Variants in GRK5 observed in about 807,000 individuals in gnomAD.
The protein encoded by GRK5 is G protein-coupled receptor kinase 5.
GRK5 carries 40 observed loss-of-function variants against 78.4 expected under a neutral mutation model. That is an observed-to-expected ratio of 0.51 (90% CI 0.40 to 0.66). The LOEUF is 0.66. Among genes scored for constraint, GRK5 ranks in the 30% least tolerant of loss-of-function variants. The probability of loss-of-function intolerance (pLI) is 0.00; values close to 1 mark genes in which losing one functional copy is unlikely to be tolerated. For missense variants in GRK5, 598 were observed against 759.9 expected (o/e 0.79, Z 2.50); for synonymous variants, 289 against 296.8 (o/e 0.97, Z 0.27).
intron 8 of GRK5, among the ~76,000 whole-genome samples, chr10:119,433,436 G>A (rs564438327): frequency 1.8e-4 from 27 of 152,128 alleles, no homozygotes; most frequent in South Asian, 6.2e-4. Context: ...CTTCAGTTAC[G>A]ATGGCTGCAC....
chr10:119,329,116 G>C (rs1300026527), intron 2 of GRK5, among the ~76,000 whole-genome samples: 1 of 152,200 alleles, frequency 6.6e-6, no homozygotes, highest in Non-Finnish European at 1.5e-5. Flanking sequence ...CTTATGAAGT[G>C]TTTCTAATAA....
At chr10:119,223,141 C>T (rs2133712528) in intron 1 of GRK5, among the ~76,000 whole-genome samples, 1 of 152,296 alleles carries the variant, frequency 6.6e-6, no homozygotes, top group South Asian at 2.1e-4. Context: ...AGACCCGTTC[C>T]AGGCCTCTCT....
chr10:119,306,746 A>T (rs1488494261), intron 1 of GRK5, among the ~76,000 whole-genome samples: 2 of 152,110 alleles, frequency 1.3e-5, no homozygotes, highest in Non-Finnish European at 2.9e-5. Flanking sequence ...CTGCACCTGC[A>T]GGTGTTTCCT....
In GRK5 at chr10:119,436,745, T is replaced by C; in HGVS notation, c.833T>C (p.Met278Thr). The C allele has an allele frequency of 6.2e-7, 1 of 1,614,182 alleles. No individual in the cohort carries two copies. The highest frequency in any genetic ancestry group is 8.5e-7 in the Non-Finnish European group (1 of 1,180,010). Residue 278 changes from methionine to threonine, a missense_variant, in exon 9 of 16, where the codon ATG becomes ACG. Transcript: ENST00000392870. ...GACCTGAAGTTCCACATCTACAACATGGGCAACCCTGGCTTCGAGGAGGAG... is the reference window on the plus strand; with the variant it reads ...GACCTGAAGTTCCACATCTACAACACGGGCAACCCTGGCTTCGAGGAGGAG... ...GGDLKFHIYN[M>T]GNPGFEEERA...
intron 1 of GRK5, among the ~76,000 whole-genome samples, chr10:119,254,146 G>T (rs547973279): frequency 3.3e-5 from 5 of 152,116 alleles, no homozygotes; most frequent in Non-Finnish European, 5.9e-5. Flanking sequence ...AATTCTAAGC[G>T]CCTTTGAAAA....
chr10:119,413,958 G>A (rs1589796843), intron 4 of GRK5, among the ~76,000 whole-genome samples: 1 of 152,160 alleles, frequency 6.6e-6, no homozygotes, highest in African/African-American at 2.4e-5. Flanking sequence ...GTCAAGGGGC[G>A]GCCAGGGTAT....
chr10:119,327,393 G>C (rs142781100), intron 2 of GRK5, among the ~76,000 whole-genome samples: 1 of 152,184 alleles, frequency 6.6e-6, no homozygotes, highest in Non-Finnish European at 1.5e-5. Context: ...TGTGCCCTGG[G>C]GTGGGTCCTT....
intron 1 of GRK5, among the ~76,000 whole-genome samples, chr10:119,245,702 A>T (rs1009472003): frequency 1.3e-5 from 2 of 152,182 alleles, no homozygotes; most frequent in Non-Finnish European, 2.9e-5. Flanking sequence ...TTGTGCTTAT[A>T]GTTAATCATA....
intron 2 of GRK5, among the ~76,000 whole-genome samples, chr10:119,365,727 G>T (rs142292402): frequency 6.6e-6 from 1 of 152,116 alleles, no homozygotes; most frequent in African/African-American, 2.4e-5. Context: ...CTTTCCTTTC[G>T]GTTTTCTACA....
At position 119,264,970 on chromosome 10, in the gene GRK5, A is replaced by T. The variant is rs1306881109; in HGVS notation, c.52+57001A>T. On this transcript the variant is annotated intron_variant, in intron 1 of 15. Transcript: ENST00000392870. The surrounding 1 kb of genome is among the most constrained non-coding windows in gnomAD (Gnocchi z 4.1). ...TCCTGTTGGGAAGGCCGACTCAGAG[A>T]CAGCTTTCATTCTTTTGTGTTACTC... Among the ~76,000 whole-genome samples the T allele has an allele frequency of 6.6e-6, 1 of 152,174 alleles. No individual in the cohort carries two copies. The highest frequency in any genetic ancestry group is 1.5e-5 in the Non-Finnish European group (1 of 68,020).
intron 1 of GRK5, among the ~76,000 whole-genome samples, chr10:119,317,172 C>T (rs1850500739): frequency 6.6e-6 from 1 of 152,190 alleles, no homozygotes. Context: ...GAGTCTGCCC[C>T]AGAGGAGTGT....
chr10:119,450,118 T>C (rs1037413733), intron 13 of GRK5, among the ~76,000 whole-genome samples: 3 of 152,206 alleles, frequency 2.0e-5, no homozygotes, highest in Non-Finnish European at 4.4e-5. Context: ...CACTCCTTGG[T>C]GTTCCAGGAA....
chr10:119,342,042 G>A (rs1021370047), intron 2 of GRK5, among the ~76,000 whole-genome samples: 1 of 152,180 alleles, frequency 6.6e-6, no homozygotes, highest in African/African-American at 2.4e-5. Flanking sequence ...CATCCCACCG[G>A]CACAGCTGTC....
At chr10:119,385,278 T>G (rs147585516) in intron 3 of GRK5, among the ~76,000 whole-genome samples, 29 of 148,994 alleles carry the variant, frequency 1.9e-4, no homozygotes, top group African/African-American at 7.3e-4. Flanking sequence ...TTTTATTTTA[T>G]TTATGAGACA....
At chr10:119,326,389 G>A in intron 1 of GRK5, 127 bp from the exon 2 acceptor site, 1 of 696,676 alleles carries the variant, frequency 1.4e-6, no homozygotes, top group Non-Finnish European at 2.5e-6. Context: ...GGCTGGGGGT[G>A]TGTCACTGGC....
chr10:119,319,904 AGCATTCAT>A (rs60921247), intron 1 of GRK5, among the ~76,000 whole-genome samples: 17,309 of 152,184 alleles, frequency 0.11, 1,374 homozygotes, highest in East Asian at 0.36. Flanking sequence ...TATTCCTGCA[AGCATTCAT>A]GCCTTTACCC....
intron 1 of GRK5, among the ~76,000 whole-genome samples, chr10:119,276,682 G>A (rs903063945): frequency 7.2e-5 from 11 of 152,168 alleles, no homozygotes; most frequent in Non-Finnish European, 1.0e-4. Flanking sequence ...CCACACTGAC[G>A]TTTTAAAAGT....
chr10:119,262,461 C>T (rs191717976), intron 1 of GRK5, among the ~76,000 whole-genome samples: 65 of 151,486 alleles, frequency 4.3e-4, no homozygotes, highest in Non-Finnish European at 8.4e-4. Context: ...GCCTCAGCCC[C>T]CCGAGTAGCT....
At chr10:119,214,069 G>C (rs934558448) in intron 1 of GRK5, among the ~76,000 whole-genome samples, 2 of 152,190 alleles carry the variant, frequency 1.3e-5, no homozygotes, top group Non-Finnish European at 2.9e-5. Flanking sequence ...CTGCCTCCCA[G>C]GTTCAAGCGA....
Sources: gnomAD v4.1 joint callset for allele counts (sites outside exome capture counted in the v4.1 genomes callset) on GRCh38, gnomAD v4.1.1 for gene constraint, Gnocchi (gnomAD v3.1) non-coding constraint, MANE v1.5 for transcripts, NCBI Gene and HGNC (gene_info 2026-07-23, HGNC 2026-07-21) for gene names.